The following THNSL1 variants were observed in gnomAD, a reference collection of about 807,000 sequenced individuals.
The protein encoded by THNSL1 is threonine synthase-like 1.
THNSL1 carries 48 observed loss-of-function variants against 50.4 expected under a neutral mutation model. The observed-to-expected ratio is 0.95, with a 90% CI of 0.76 to 1.21. The LOEUF (loss-of-function observed/expected upper bound fraction) is 1.21, where lower values mean the gene tolerates loss of function less well. Ranked by LOEUF, THNSL1 falls within the 50% of genes most tolerant of loss-of-function variation. THNSL1 has a pLI of 0.00. For missense variants in THNSL1, 896 were observed against 871.7 expected (o/e 1.03, Z -0.35); for synonymous variants, 309 against 306.1 (o/e 1.01, Z -0.10).
Position 25,023,759 on chromosome 10 carries a change from G to T in THNSL1, c.536G>T (p.Gly179Val). 6.2e-7 allele frequency: 1 copy of T among 1,613,862 alleles called. No homozygotes were observed. Among genetic ancestry groups the T allele is most frequent in the Non-Finnish European group, 8.5e-7 (1 of 1,179,980 alleles). Residue 179 changes from glycine to valine, a missense_variant, in exon 3 of 3, where the codon GGA (glycine) becomes GTA (valine). Gly to Val is a moderately radical substitution (Grantham distance 109, BLOSUM62 -3). Transcript: ENST00000376356. The stretch of plus-strand genomic sequence containing the variant: ...GATAGGATTGTAGGTCAGAATTCTG[G>T]AACATCTATGAAAGACTTACTTAAA... ...KTDRIVGQNS[G>V]TSMKDLLKFR...
the THNSL1 span, chr10:24,983,456 T>A: frequency 6.6e-6 from 1 of 152,194 alleles, no homozygotes. Flanking sequence ...ATTATACATT[T>A]TGGAGTGTAC....
the THNSL1 span, among the ~76,000 whole-genome samples, chr10:24,991,348 G>C: frequency 6.6e-6 from 1 of 151,894 alleles, no homozygotes; most frequent in East Asian, 1.9e-4. Context: ...TCGTGGTCTC[G>C]TTAAAGAAAA....
At chr10:24,982,273 A>G in the THNSL1 span, 1 of 152,226 alleles carries the variant, frequency 6.6e-6, no homozygotes, top group East Asian at 1.9e-4. Context: ...AGGATGAGAG[A>G]AAGAAAAGGG....
Position 25,023,820 on chromosome 10 carries a change from T to C in THNSL1, c.597T>C (p.Ala199=). ...AGTATTATAAGAAGTGGTATGATGC[T>C]CGTGTTTTCTGTGAAAGTGGGGCTT... ...RRQYYKKWYD[A]RVFCESGASP... Residue 199 remains alanine (A), a synonymous_variant, in exon 3 of 3, where the codon GCT becomes GCC. Coordinates refer to ENST00000376356, the MANE Select transcript of THNSL1 (RefSeq NM_024838.5). 3 of 1,614,216 alleles carry C rather than the reference T, an allele frequency of 1.9e-6. No homozygotes were observed. The highest frequency in any genetic ancestry group is 2.5e-6 in the Non-Finnish European group (3 of 1,180,024).
chr10:24,985,549 C>A, the THNSL1 span, among the ~76,000 whole-genome samples: 1 of 152,202 alleles, frequency 6.6e-6, no homozygotes, highest in Admixed American at 6.5e-5. Context: ...AAATGTAACA[C>A]ACATGCTAAT....
the THNSL1 span, among the ~76,000 whole-genome samples, chr10:24,991,616 G>C: frequency 6.6e-6 from 1 of 152,122 alleles, no homozygotes; most frequent in Non-Finnish European, 1.5e-5. Flanking sequence ...AGAGCTGCCC[G>C]GCTCCAGGGA....
chr10:24,957,632 C>G, the THNSL1 span, among the ~76,000 whole-genome samples: 2 of 152,194 alleles, frequency 1.3e-5, no homozygotes, highest in Non-Finnish European at 2.9e-5. Context: ...AGGCGCCCAC[C>G]ACCACGCCCG....
At chr10:25,022,345 G>A (rs766992734) in intron 2 of THNSL1, among the ~76,000 whole-genome samples, 2 of 152,164 alleles carry the variant, frequency 1.3e-5, no homozygotes, top group Non-Finnish European at 2.9e-5. Context: ...TGGAAATTGA[G>A]TTAAATCTCT....
chr10:24,983,173 G>T, the THNSL1 span: 1 of 151,964 alleles, frequency 6.6e-6, no homozygotes, highest in Non-Finnish European at 1.5e-5. Context: ...ACATTGCACA[G>T]TGATGTAAAT....
the THNSL1 span, chr10:24,984,135 C>A: frequency 2.4e-6 from 1 of 421,674 alleles, no homozygotes; most frequent in South Asian, 9.6e-5. Flanking sequence ...TGTAAGTTGT[C>A]TTCTTAATTT....
chr10:24,976,387 A>G, the THNSL1 span, among the ~76,000 whole-genome samples: 1 of 152,212 alleles, frequency 6.6e-6, no homozygotes, highest in Non-Finnish European at 1.5e-5. Flanking sequence ...CCACTGGGAT[A>G]ATGAAAGCAG....
intron 2 of THNSL1, among the ~76,000 whole-genome samples, chr10:25,022,445 T>C (rs926797502): frequency 1.3e-5 from 2 of 152,212 alleles, no homozygotes; most frequent in Admixed American, 6.5e-5. Flanking sequence ...TGATTATTAA[T>C]TTTTCTTAAC....
At chr10:25,009,071 A>G in the THNSL1 span, among the ~76,000 whole-genome samples, 1 of 152,196 alleles carries the variant, frequency 6.6e-6, no homozygotes, top group Non-Finnish European at 1.5e-5. Flanking sequence ...ACACATGGAC[A>G]CAGGAAGGGG....
At chr10:25,016,483 C>A (rs1269897936), upstream of THNSL1, among the ~76,000 whole-genome samples, 1 of 152,196 alleles carries the variant, frequency 6.6e-6, no homozygotes, top group Non-Finnish European at 1.5e-5. Flanking sequence ...GCTGAGACCA[C>A]GAGGACGCAA....
At chr10:25,019,940 T>C (rs1050913088) in intron 1 of THNSL1, among the ~76,000 whole-genome samples, 4 of 152,146 alleles carry the variant, frequency 2.6e-5, no homozygotes, top group Non-Finnish European at 4.4e-5. Context: ...AGTCCATATA[T>C]ATGCCTTCTA....
intron 2 of THNSL1, 106 bp from the exon 3 acceptor site, chr10:25,023,070 A>G (rs746047741): frequency 2.3e-5 from 17 of 725,198 alleles, no homozygotes; most frequent in South Asian, 1.9e-4. Flanking sequence ...CAGTTTATGT[A>G]CCATGGGCAT....
the THNSL1 span, among the ~76,000 whole-genome samples, chr10:25,004,088 C>T: frequency 2.6e-4 from 39 of 152,234 alleles, no homozygotes; most frequent in South Asian, 7.7e-3. Flanking sequence ...CATCCATGTC[C>T]CTGCAAAGAA....
At chr10:24,980,288 A>G in the THNSL1 span, among the ~76,000 whole-genome samples, 1 of 151,952 alleles carries the variant, frequency 6.6e-6, no homozygotes, top group African/African-American at 2.4e-5. Context: ...TTCCTGCCCC[A>G]GATCCTTCAC....
chr10:24,988,284 A>G, the THNSL1 span, among the ~76,000 whole-genome samples: 1 of 145,118 alleles, frequency 6.9e-6, no homozygotes, highest in African/African-American at 2.5e-5. Context: ...ATGTGTATAT[A>G]TATTTATATA....
Sources: allele counts gnomAD v4.1 joint callset (sites outside exome capture counted in the v4.1 genomes callset), GRCh38; gene constraint gnomAD v4.1.1; transcripts MANE v1.5; gene names NCBI Gene and HGNC (gene_info 2026-07-23, HGNC 2026-07-21).